Variants in PCDHGA4 observed in about 807,000 individuals in gnomAD.
PCDHGA4 encodes the protein protocadherin gamma-A4.
A neutral mutation model predicts 54.6 loss-of-function variants in PCDHGA4; 38 were observed. The ratio of observed to expected loss-of-function variants is 0.70; its 90% CI spans 0.54 to 0.91. The LOEUF is 0.91. Among genes scored for constraint, PCDHGA4 ranks in the 40% least tolerant of loss-of-function variants. The pLI, the probability that PCDHGA4 is intolerant of heterozygous loss-of-function variation, is 0.00. For synonymous variants in PCDHGA4, 511 were observed against 512.9 expected (o/e 1.00, Z 0.05); for missense variants, 1,298 against 1,220.9 (o/e 1.06, Z -0.94).
intron 1 of PCDHGA4, among the ~76,000 whole-genome samples, chr5:141,436,243 TA>T (rs1428637183): frequency 6.6e-6 from 1 of 152,154 alleles, no homozygotes; most frequent in Non-Finnish European, 1.5e-5. Context: ...TAACATGGTC[TA>T]ATTATTCTGA....
rs1042973261 is a variant in PCDHGA4 at position 141,491,547 on chromosome 5, G to T, written c.2515-3260G>T. ...AGGTGACGCTGCGGCCCACAGACTC[G>T]CAGAGCCACTGCTACAGGACGTGCT... On this transcript the variant is annotated intron_variant, in intron 1 of 3. Transcript: ENST00000571252. The surrounding 1 kb of genome is among the most constrained non-coding windows in gnomAD (Gnocchi z 6.9). 6.8e-6 allele frequency: 11 copies of T among 1,613,856 alleles called. No homozygotes were observed. Among genetic ancestry groups the T allele is most frequent in the Middle Eastern group, 1.6e-4 (1 of 6,084 alleles).
In PCDHGA4 at chr5:141,355,742, A is replaced by T; in HGVS notation, c.635A>T (p.Asp212Val). Residue 212 changes from aspartate (D) to valine (V), a missense_variant, in exon 1 of 4, where the codon GAC becomes GTC. Coordinates refer to ENST00000571252, the MANE Select transcript of PCDHGA4 (RefSeq NM_018917.4). ...AACTCAAACGGTTACTTTTCCCTGG[A>T]CGTGCAAAGTGGGGCCGATGGGATT... ...QLNSNGYFSL[D>V]VQSGADGIKY... 1 of 1,613,970 alleles carries T rather than the reference A, an allele frequency of 6.2e-7. No homozygotes were observed. The highest frequency in any genetic ancestry group is 8.5e-7 in the Non-Finnish European group (1 of 1,179,880).
chr5:141,383,714 G>T (rs1561598272), intron 1 of PCDHGA4: 3 of 1,613,972 alleles, frequency 1.9e-6, no homozygotes, highest in Middle Eastern at 1.6e-4. Context: ...CTGGACGAGG[G>T]AGTCAATGGG....
intron 1 of PCDHGA4, chr5:141,478,866 C>T (rs1392885307): frequency 1.5e-6 from 2 of 1,304,352 alleles, no homozygotes; most frequent in Non-Finnish European, 2.0e-6. Flanking sequence ...TCTCAGCGAT[C>T]AGAGTTTAGC....
chr5:141,365,193 T>C (rs1349681128), intron 1 of PCDHGA4: 2 of 1,613,644 alleles, frequency 1.2e-6, no homozygotes, highest in Non-Finnish European at 1.7e-6. Context: ...GAAGAAAAAA[T>C]TTCGGAGACT....
chr5:141,375,069 A>G (rs746129890), intron 1 of PCDHGA4: 4 of 1,614,040 alleles, frequency 2.5e-6, no homozygotes, highest in South Asian at 2.2e-5. Context: ...GGTCTTCGAG[A>G]CAGAGCGAAA....
At chr5:141,449,148 T>C (rs570694341) in intron 1 of PCDHGA4, among the ~76,000 whole-genome samples, 20 of 152,268 alleles carry the variant, frequency 1.3e-4, no homozygotes, top group African/African-American at 4.8e-4. Flanking sequence ...AATTGCTGGG[T>C]CAAAGAGGAA....
At chr5:141,496,373 C>T (rs1315450867) in intron 2 of PCDHGA4, among the ~76,000 whole-genome samples, 2 of 152,216 alleles carry the variant, frequency 1.3e-5, no homozygotes. Flanking sequence ...GAAGCAGGAG[C>T]TTGGGCCACC....
intron 1 of PCDHGA4, chr5:141,364,431 C>A (rs1210490734): frequency 6.2e-7 from 1 of 1,613,754 alleles, no homozygotes; most frequent in Admixed American, 1.7e-5. Flanking sequence ...ATCCGCTACT[C>A]GATGCCGGAG....
intron 1 of PCDHGA4, chr5:141,414,638 A>G: frequency 6.2e-7 from 1 of 1,613,988 alleles, no homozygotes; most frequent in Non-Finnish European, 8.5e-7. Flanking sequence ...AGCAAAGAGA[A>G]TGCCCAGATT....
rs374995933 is a variant in PCDHGA4 at position 141,371,810 on chromosome 5, G to T, written c.2514+14189G>T. 1,100 of 1,613,756 alleles carry T rather than the reference G, an allele frequency of 6.8e-4. 2 individuals carry two copies. Among genetic ancestry groups the T allele is most frequent in the Non-Finnish European group, 9.0e-4 (1,060 of 1,179,898 alleles). On this transcript the variant is annotated intron_variant, in intron 1 of 3. Transcript: ENST00000571252. ...ACAATCCGCCTGGAGCCTCCATTGC[G>T]CATGTCAGAGCCTCGGATCCCGACT...
rs2154532733 is a variant in PCDHGA4, at chr5:141,403,281, T to C, written c.2514+45660T>C. ...TGTCTGGTGAACTTTAAAGTCCTGGTTGAAGACAGAGTGAAACTGTACGGA... is the reference window on the plus strand; with the variant it reads ...TGTCTGGTGAACTTTAAAGTCCTGGCTGAAGACAGAGTGAAACTGTACGGA... On this transcript the variant is annotated intron_variant, in intron 1 of 3. Transcript: ENST00000571252. The C allele has an allele frequency of 2.5e-6, 4 of 1,613,908 alleles. No individual in the cohort carries two copies. Among genetic ancestry groups the C allele is most frequent in the African/African-American group, 1.3e-5 (1 of 75,080 alleles).
intron 1 of PCDHGA4, chr5:141,383,853 G>C (rs942698942): frequency 1.2e-6 from 2 of 1,613,948 alleles, no homozygotes; most frequent in Middle Eastern, 3.3e-4. Flanking sequence ...ATGAAATGGA[G>C]GTTCAGGCTC....
At chr5:141,420,268 T>C (rs375162019) in intron 1 of PCDHGA4, 254 of 1,543,666 alleles carry the variant, frequency 1.6e-4, no homozygotes, top group Non-Finnish European at 2.1e-4. Context: ...AGAAGATTCT[T>C]AAACAGGTAA....
chr5:141,438,807 G>A (rs956766683), intron 1 of PCDHGA4, among the ~76,000 whole-genome samples: 13 of 149,270 alleles, frequency 8.7e-5, no homozygotes, highest in African/African-American at 1.7e-4. Context: ...GATTACAGGC[G>A]CCTGTCACCA....
intron 1 of PCDHGA4, chr5:141,384,650 C>T (rs1213467381): frequency 6.2e-7 from 1 of 1,614,104 alleles, no homozygotes; most frequent in East Asian, 2.2e-5. Context: ...TCCGCAGAGC[C>T]CGGCTACCTG....
chr5:141,381,775 C>T (rs1162791919), intron 1 of PCDHGA4, among the ~76,000 whole-genome samples: 1 of 150,644 alleles, frequency 6.6e-6, no homozygotes, highest in East Asian at 1.9e-4. Flanking sequence ...AATCAATAAT[C>T]AGGAACAAGG....
intron 1 of PCDHGA4, chr5:141,478,134 C>A (rs2099431418): frequency 6.2e-7 from 1 of 1,614,074 alleles, no homozygotes; most frequent in African/African-American, 1.3e-5. Flanking sequence ...TCTCCTGAAG[C>A]CCGAGCCGAG....
At chr5:141,387,526 G>A (rs186607627) in intron 1 of PCDHGA4, among the ~76,000 whole-genome samples, 58 of 152,324 alleles carry the variant, frequency 3.8e-4, no homozygotes, top group African/African-American at 1.3e-3. Context: ...ATATACAGAC[G>A]TATCCACGTA....
Sources: gnomAD v4.1 joint callset for allele counts (sites outside exome capture counted in the v4.1 genomes callset) on GRCh38, gnomAD v4.1.1 for gene constraint, Gnocchi (gnomAD v3.1) non-coding constraint, MANE v1.5 for transcripts, NCBI Gene and HGNC (gene_info 2026-07-23, HGNC 2026-07-21) for gene names.